Variants in AGAP1 observed in about 807,000 individuals in gnomAD.
AGAP1 encodes arf-GAP with GTPase, ANK repeat and PH domain-containing protein 1.
In AGAP1, 29 loss-of-function variants were observed where a neutral mutation model predicts 105.3. The ratio of observed to expected loss-of-function variants is 0.28; its 90% confidence interval spans 0.21 to 0.38. AGAP1 has a LOEUF of 0.38. AGAP1 is among the 10% of genes least tolerant of loss of function. AGAP1 has a pLI of 1.00. For synonymous variants in AGAP1, 509 were observed against 485.9 expected (o/e 1.05, Z -0.63); for missense variants, 998 against 1,165.1 (o/e 0.86, Z 2.09).
chr2:236,119,096 CA>C lies in AGAP1; in HGVS notation c.2115-1095del, dbSNP rs1440472442. Among the ~76,000 whole-genome samples, 1 of 152,120 alleles carries C rather than the reference CA, an allele frequency of 6.6e-6. No homozygotes were observed. Among genetic ancestry groups the C allele is most frequent in the Non-Finnish European group, 1.5e-5 (1 of 68,028 alleles). On this transcript the variant is annotated intron_variant, in intron 16 of 17. Transcript: ENST00000304032. This position sits in a 1 kb window ranked among gnomAD's most constrained non-coding sequence, Gnocchi z 6.6. ...GGGTCCCCATCCTCTGTAGACCCCC[CA>C]GGAGGAGACCATGTATTACACTGGC...
rs947723242 is a variant in AGAP1, at chr2:235,578,686, G to A, written c.163+83837G>A. Among the ~76,000 whole-genome samples the A allele has an allele frequency of 1.3e-5, 2 of 151,744 alleles. No homozygotes were observed. Among genetic ancestry groups the A allele is most frequent in the Non-Finnish European group, 2.9e-5 (2 of 67,976 alleles). ...TGTAATCCCAGCTACTTGGGAGGCT[G>A]AGGCAGGAGAATTGCTTGAACCCAG... On this transcript the variant is annotated intron_variant, in intron 1 of 17. Transcript: ENST00000304032. This position sits in a 1 kb window ranked among gnomAD's most constrained non-coding sequence, Gnocchi z 4.9.
At chr2:235,941,442 T>A (rs1024041793) in intron 12 of AGAP1, among the ~76,000 whole-genome samples, 3 of 152,156 alleles carry the variant, frequency 2.0e-5, no homozygotes, top group African/African-American at 7.2e-5. Flanking sequence ...TTCCCAGGTC[T>A]CTCTAGGTAC....
In AGAP1 at chr2:236,112,266, A is replaced by G. The variant is rs1278241083; in HGVS notation, c.2115-7926A>G. Among the ~76,000 whole-genome samples the G allele has an allele frequency of 5.3e-5, 8 of 152,208 alleles. No individual in the cohort carries two copies. The South Asian group carries it at 1.7e-3, about 32-fold the overall frequency. On this transcript the variant is annotated intron_variant, in intron 16 of 17. Coordinates refer to ENST00000304032, the MANE Select transcript of AGAP1 (RefSeq NM_001037131.3). ...GCCCATCTCTACTAAAAATACAAAA[A>G]TTAGCCGGACGTGGTGGCACGTGCC...
chr2:235,591,582 A>T (rs1945340467), intron 1 of AGAP1, among the ~76,000 whole-genome samples: 1 of 152,138 alleles, frequency 6.6e-6, no homozygotes, highest in Non-Finnish European at 1.5e-5. Context: ...CTTCAGCCTG[A>T]TGTCACTGAT....
rs1434157025 is a variant in AGAP1, at chr2:235,733,257, G to C, written c.311-7706G>C. On this transcript the variant is annotated intron_variant, in intron 3 of 17. Transcript: ENST00000304032. The surrounding 1 kb of genome is among the most constrained non-coding windows in gnomAD (Gnocchi z 5.0). ...CTTTGCCTCCGGAGAGCCTTTGCCGGCCATTCACTTCCAAGGCTTTCTTAT... is the reference window on the plus strand; with the variant it reads ...CTTTGCCTCCGGAGAGCCTTTGCCGCCCATTCACTTCCAAGGCTTTCTTAT... Among the ~76,000 whole-genome samples, 1 of 152,168 alleles carries C rather than the reference G, an allele frequency of 6.6e-6. No homozygotes were observed. Among genetic ancestry groups the C allele is most frequent in the Non-Finnish European group, 1.5e-5 (1 of 68,038 alleles).
rs956348298 is a variant in AGAP1, at chr2:235,827,286, C to G, written c.1050+19955C>G. ...GAGTGAAATTGATTCTCCACGCAGA[C>G]TCTCCTTGCTCACCCTGAGGTTTCA... is the stretch of plus-strand genomic sequence containing the variant. On this transcript the variant is annotated intron_variant, in intron 9 of 17. Transcript: ENST00000304032. 7.9e-5 allele frequency among the ~76,000 whole-genome samples: 12 copies of G among 152,336 alleles called. No homozygotes were observed. In the East Asian group the frequency reaches 1.9e-3, roughly 25 times the overall value.
At chr2:235,565,938 TAA>T (rs1178607897) in intron 1 of AGAP1, among the ~76,000 whole-genome samples, 1 of 152,214 alleles carries the variant, frequency 6.6e-6, no homozygotes, top group Non-Finnish European at 1.5e-5. Context: ...GTTTTGCCAC[TAA>T]ACTATTGTTT....
At chr2:235,703,396 C>T (rs2149486054) in intron 1 of AGAP1, among the ~76,000 whole-genome samples, 1 of 152,242 alleles carries the variant, frequency 6.6e-6, no homozygotes, top group South Asian at 2.1e-4. Flanking sequence ...GGCAACGGGA[C>T]ATCAATTCCT....
chr2:235,786,332 A>G (rs1380694427), intron 6 of AGAP1, among the ~76,000 whole-genome samples: 1 of 152,358 alleles, frequency 6.6e-6, no homozygotes, highest in South Asian at 2.1e-4. Context: ...ATGAGAGTCT[A>G]TATTCAACTC....
rs2053845401 is a variant in AGAP1 at position 235,953,989 on chromosome 2, G to A, written c.1484-14473G>A. Among the ~76,000 whole-genome samples, 1 of 152,132 alleles carries A rather than the reference G, an allele frequency of 6.6e-6. No homozygotes were observed. Among genetic ancestry groups the A allele is most frequent in the African/African-American group, 2.4e-5 (1 of 41,412 alleles). On this transcript the variant is annotated intron_variant, in intron 12 of 17. Transcript: ENST00000304032. The surrounding 1 kb of genome is among the most constrained non-coding windows in gnomAD (Gnocchi z 5.2). Reference sequence around the variant, plus strand: ...TTATGCCTGTAATGCCAACATTTTGGGAGGCTGAGGCAGGCAGATCACCTG... The same window carrying A: ...TTATGCCTGTAATGCCAACATTTTGAGAGGCTGAGGCAGGCAGATCACCTG...
At chr2:235,986,734 T>C (rs2055330629) in intron 13 of AGAP1, among the ~76,000 whole-genome samples, 1 of 152,212 alleles carries the variant, frequency 6.6e-6, no homozygotes. Context: ...TATAATGATG[T>C]GGTTTTTATC....
At chr2:235,945,400 G>T (rs1181412732) in intron 12 of AGAP1, among the ~76,000 whole-genome samples, 5 of 152,168 alleles carry the variant, frequency 3.3e-5, no homozygotes, top group African/African-American at 1.2e-4. Context: ...TGGTTAACGC[G>T]TGCGCTAGCA....
chr2:235,992,021 C>A lies in AGAP1; in HGVS notation c.1645+23398C>A, dbSNP rs1054770348. Among the ~76,000 whole-genome samples, 2 of 152,234 alleles carry A rather than the reference C, an allele frequency of 1.3e-5. No individual in the cohort carries two copies. Among genetic ancestry groups the A allele is most frequent in the Non-Finnish European group, 2.9e-5 (2 of 68,040 alleles). On this transcript the variant is annotated intron_variant, in intron 13 of 17. Coordinates refer to ENST00000304032, the MANE Select transcript of AGAP1 (RefSeq NM_001037131.3). This position sits in a 1 kb window ranked among gnomAD's most constrained non-coding sequence, Gnocchi z 4.8. ...CACATTTCTCTCTCATCTGTGAAGGCCCGTTGAGACTGCTCAGTTGGTGTC... is the reference window on the plus strand; with the variant it reads ...CACATTTCTCTCTCATCTGTGAAGGACCGTTGAGACTGCTCAGTTGGTGTC...
intron 11 of AGAP1, among the ~76,000 whole-genome samples, chr2:235,923,791 C>T (rs1490406612): frequency 1.3e-5 from 2 of 152,118 alleles, no homozygotes; most frequent in Non-Finnish European, 2.9e-5. Context: ...TCTGAACATT[C>T]TAGCACCTAC....
At position 235,691,796 on chromosome 2, in the gene AGAP1, C is replaced by T. The variant is rs1246145367; in HGVS notation, c.164-17383C>T. On this transcript the variant is annotated intron_variant, in intron 1 of 17. Coordinates refer to ENST00000304032, the MANE Select transcript of AGAP1 (RefSeq NM_001037131.3). This position sits in a 1 kb window ranked among gnomAD's most constrained non-coding sequence, Gnocchi z 4.4. The stretch of plus-strand genomic sequence containing the variant: ...ATGTTGACCCCTGCACTCCTGCCCG[C>T]CCCCCATTCACCCACTAGGAGAAAG... Among the ~76,000 whole-genome samples, 5 of 152,142 alleles carry T rather than the reference C, an allele frequency of 3.3e-5. No individual in the cohort carries two copies. The highest frequency in any genetic ancestry group is 7.2e-5 in the African/African-American group (3 of 41,426).
In AGAP1 at chr2:235,801,794, AG is replaced by A. The variant is rs1280961514; in HGVS notation, c.957+2277del. Among the ~76,000 whole-genome samples, 3 of 152,094 alleles carry A rather than the reference AG, an allele frequency of 2.0e-5. No homozygotes were observed. The highest frequency in any genetic ancestry group is 4.4e-5 in the Non-Finnish European group (3 of 68,010). Reference sequence around the variant, plus strand: ...TCTGTGTCTTTGTTAAGGGAGTGGAAGGGGGAGAGCACTCATTCTCAGACGC... The same window carrying A: ...TCTGTGTCTTTGTTAAGGGAGTGGAAGGGGAGAGCACTCATTCTCAGACGC... On this transcript the variant is annotated intron_variant, in intron 8 of 17. Transcript: ENST00000304032. The surrounding 1 kb of genome is among the most constrained non-coding windows in gnomAD (Gnocchi z 6.0).
chr2:235,778,796 A>T (rs568100184), intron 6 of AGAP1, among the ~76,000 whole-genome samples: 1 of 152,114 alleles, frequency 6.6e-6, no homozygotes, highest in Non-Finnish European at 1.5e-5. Context: ...TGTAAACCCC[A>T]TGGGATCAGG....
In AGAP1 at chr2:235,965,387, G is replaced by C. The variant is rs145771651; in HGVS notation, c.1484-3075G>C. Among the ~76,000 whole-genome samples, 117 of 152,176 alleles carry C rather than the reference G, an allele frequency of 7.7e-4. No individual in the cohort carries two copies. Among genetic ancestry groups the C allele is most frequent in the Non-Finnish European group, 1.4e-3 (93 of 68,026 alleles). On this transcript the variant is annotated intron_variant, in intron 12 of 17. Transcript: ENST00000304032. This position sits in a 1 kb window ranked among gnomAD's most constrained non-coding sequence, Gnocchi z 5.8. ...CATGATAAGGGAAAGGAAGTCTTAC[G>C]GGGGCGAAGGAAGGCACAGTGAAAC...
At chr2:235,537,689 T>G (rs927732159) in intron 1 of AGAP1, among the ~76,000 whole-genome samples, 34 of 152,316 alleles carry the variant, frequency 2.2e-4, no homozygotes, top group Middle Eastern at 3.4e-3. Context: ...AATTGTTGAG[T>G]TCCCAGTCTT....
Sources: gnomAD v4.1 joint callset for allele counts (sites outside exome capture counted in the v4.1 genomes callset) on GRCh38, gnomAD v4.1.1 for gene constraint, Gnocchi (gnomAD v3.1) non-coding constraint, MANE v1.5 for transcripts, NCBI Gene and HGNC (gene_info 2026-07-23, HGNC 2026-07-21) for gene names.